USH2A: variants seen among roughly 807,000 people sequenced by gnomAD.
USH2A encodes the protein Usher syndrome 2A (autosomal recessive, mild).
USH2A carries 443 observed loss-of-function variants against 538.9 expected under a neutral mutation model. The ratio of observed to expected loss-of-function variants is 0.82; its 90% CI spans 0.76 to 0.89. The LOEUF is 0.89. Ranked by LOEUF, USH2A falls within the 40% of genes least tolerant of loss-of-function variation. The probability of loss-of-function intolerance (pLI) is 0.00; values close to 1 mark genes in which losing one functional copy is unlikely to be tolerated. For synonymous variants in USH2A, 2,413 were observed against 2,273.5 expected (o/e 1.06, Z -1.75); for missense variants, 6,633 against 6,324.8 (o/e 1.05, Z -1.65).
intron 63 of USH2A, among the ~76,000 whole-genome samples, chr1:215,673,660 A>G (rs1029860293): frequency 6.6e-6 from 1 of 152,184 alleles, no homozygotes. Context: ...CACGAAACAA[A>G]TTTTGTTTTA....
intron 3 of USH2A, among the ~76,000 whole-genome samples, chr1:216,383,977 C>T (rs1183522724): frequency 1.3e-5 from 2 of 150,224 alleles, no homozygotes; most frequent in Non-Finnish European, 3.0e-5. Flanking sequence ...CTGGGACTAT[C>T]GGCATGGGGC....
In USH2A at chr1:216,083,566, A is replaced by T. The variant is rs780464746; in HGVS notation, c.5188T>A (p.Tyr1730Asn). Reference sequence around the variant, plus strand: ...AAGTTCATTCCACCATGAAACATATATGGATGAAGTTCCAGGAACCCTTTA... The same window carrying T: ...AAGTTCATTCCACCATGAAACATATTTGGATGAAGTTCCAGGAACCCTTTA... ...LGAGFLELHP[Y>N]MFHGGMNFEI... The change falls in exon 26 of 72, where the codon TAT becomes AAT. Residue 1730 changes from tyrosine (Y) to asparagine (N), a missense_variant. Coordinates refer to ENST00000307340, the MANE Select transcript of USH2A (RefSeq NM_206933.4). The T allele has an allele frequency of 6.2e-7, 1 of 1,612,300 alleles. No homozygotes were observed. Among genetic ancestry groups the T allele is most frequent in the South Asian group, 1.1e-5 (1 of 90,972 alleles).
chr1:215,904,493 C>A (rs922029051), intron 38 of USH2A, among the ~76,000 whole-genome samples: 3 of 152,054 alleles, frequency 2.0e-5, no homozygotes, highest in Non-Finnish European at 4.4e-5. Context: ...ACCTTCCTTT[C>A]CCCTCTGTTT....
intron 44 of USH2A, among the ~76,000 whole-genome samples, chr1:215,846,546 C>T (rs893598730): frequency 1.3e-5 from 2 of 151,984 alleles, no homozygotes; most frequent in African/African-American, 4.8e-5. Flanking sequence ...GCGTTTTTTC[C>T]CAATCTCATA....
chr1:216,127,719 A>G (rs1312529025), intron 21 of USH2A, among the ~76,000 whole-genome samples: 1 of 152,208 alleles, frequency 6.6e-6, no homozygotes, highest in East Asian at 1.9e-4. Context: ...CTAAAAATCA[A>G]TGAGTGAAGA....
chr1:215,744,613 A>G (rs2102729224), intron 58 of USH2A, among the ~76,000 whole-genome samples: 1 of 152,354 alleles, frequency 6.6e-6, no homozygotes, highest in East Asian at 1.9e-4. Flanking sequence ...CAATGACCTA[A>G]GAGAGATGAG....
intron 44 of USH2A, among the ~76,000 whole-genome samples, chr1:215,854,161 TG>T (rs1197744322): frequency 6.6e-5 from 10 of 152,124 alleles, no homozygotes; most frequent in Non-Finnish European, 1.5e-4. Context: ...ACAATCATGG[TG>T]GAAGGTGAAA....
At chr1:216,280,006 C>G (rs2036741868) in intron 11 of USH2A, among the ~76,000 whole-genome samples, 1 of 151,646 alleles carries the variant, frequency 6.6e-6, no homozygotes, top group African/African-American at 2.4e-5. Context: ...GGGTCAGGAT[C>G]AGACTGAGAT....
At chr1:215,714,056 T>C (rs3845525) in intron 61 of USH2A, among the ~76,000 whole-genome samples, 33,600 of 152,116 alleles carry the variant, frequency 0.22, 4,831 homozygotes, top group African/African-American at 0.4. Context: ...AAAGTGCCCA[T>C]AATATGTTTT....
chr1:215,714,052 C>T (rs1457629783), intron 61 of USH2A, among the ~76,000 whole-genome samples: 1 of 152,002 alleles, frequency 6.6e-6, no homozygotes, highest in Non-Finnish European at 1.5e-5. Context: ...GTGTAAAGTG[C>T]CCATAATATG....
chr1:216,135,242 T>C (rs1441695168), intron 21 of USH2A, among the ~76,000 whole-genome samples: 1 of 151,576 alleles, frequency 6.6e-6, no homozygotes, highest in Admixed American at 6.6e-5. Context: ...TAAAATGTAT[T>C]ACCTGTATGA....
At chr1:216,124,954 G>GA (rs397708132) in intron 21 of USH2A, among the ~76,000 whole-genome samples, 20 of 151,600 alleles carry the variant, frequency 1.3e-4, no homozygotes, top group African/African-American at 4.8e-5. Flanking sequence ...CTAGTTAACA[G>GA]GTTTATTCTT....
At chr1:215,680,730 T>A (rs1220444598) in intron 61 of USH2A, among the ~76,000 whole-genome samples, 2 of 151,668 alleles carry the variant, frequency 1.3e-5, no homozygotes, top group East Asian at 3.9e-4. Context: ...TGGAAATCAG[T>A]GGTGCCAAGC....
At chr1:216,020,843 C>T (rs1668829057) in intron 32 of USH2A, among the ~76,000 whole-genome samples, 1 of 152,112 alleles carries the variant, frequency 6.6e-6, no homozygotes, top group Middle Eastern at 3.2e-3. Context: ...TGTTTATATG[C>T]ATCCTTTAAA....
intron 64 of USH2A, among the ~76,000 whole-genome samples, chr1:215,669,170 G>A (rs77167150): frequency 0.01 from 1,560 of 152,310 alleles, 27 homozygotes; most frequent in South Asian, 0.063. Flanking sequence ...GGGTCATTAA[G>A]TTGCGTTTAA....
intron 3 of USH2A, among the ~76,000 whole-genome samples, chr1:216,402,026 G>C (rs568619150): frequency 6.6e-6 from 1 of 152,144 alleles, no homozygotes; most frequent in Admixed American, 6.5e-5. Context: ...TCTTTAAATA[G>C]AAATAAAAAG....
In USH2A at chr1:215,817,021, G is replaced by A. The variant is rs1172352073; in HGVS notation, c.9546C>T (p.His3182=). ...RCQKPESICG[H]ICYSSEAKVC... is the part of the protein sequence containing the mutation. Reference sequence around the variant, plus strand: ...CCTTAGCTTCAGAAGAATAGCAAATGTGTCCACAGATAGATTCAGGTTTTT... The same window carrying A: ...CCTTAGCTTCAGAAGAATAGCAAATATGTCCACAGATAGATTCAGGTTTTT... The change falls in exon 48 of 72, where the codon CAC becomes CAT. Residue 3182 remains histidine, a synonymous_variant. Coordinates refer to ENST00000307340, the MANE Select transcript of USH2A (RefSeq NM_206933.4). 3.1e-6 allele frequency: 5 copies of A among 1,612,446 alleles called. No individual in the cohort carries two copies. Among genetic ancestry groups the A allele is most frequent in the Non-Finnish European group, 4.2e-6 (5 of 1,178,890 alleles).
intron 64 of USH2A, among the ~76,000 whole-genome samples, chr1:215,658,082 A>C (rs544622167): frequency 2.0e-5 from 3 of 151,326 alleles, no homozygotes; most frequent in Non-Finnish European, 2.9e-5. Context: ...CTACAGGCGC[A>C]CGCCACCCCG....
intron 38 of USH2A, among the ~76,000 whole-genome samples, chr1:215,920,127 C>T (rs1293120086): frequency 1.3e-5 from 2 of 151,990 alleles, no homozygotes; most frequent in African/African-American, 4.8e-5. Flanking sequence ...CTAGAACTAC[C>T]AGGAACAACC....
Sources: gnomAD v4.1 joint callset for allele counts (sites outside exome capture counted in the v4.1 genomes callset) on GRCh38, gnomAD v4.1.1 for gene constraint, MANE v1.5 for transcripts, NCBI Gene and HGNC (gene_info 2026-07-23, HGNC 2026-07-21) for gene names.